Variants in ELP4 observed in about 807,000 individuals in gnomAD.
ELP4 encodes the protein elongator complex protein 4.
ELP4 carries 51 observed loss-of-function variants against 48.9 expected under a neutral mutation model. The observed-to-expected ratio is 1.04, with a 90% confidence interval of 0.83 to 1.32. ELP4 has a LOEUF of 1.32. Ranked by LOEUF, ELP4 falls within the 40% of genes most tolerant of loss-of-function variation. The pLI, the probability that ELP4 is intolerant of heterozygous loss-of-function variation, is 0.00. For synonymous variants in ELP4, 210 were observed against 189.2 expected, an observed-to-expected ratio of 1.11 and a Z score of -0.90; for missense variants, 519 against 514.6, an observed-to-expected ratio of 1.01 and a Z score of -0.08.
chr11:31,550,518 G>T (rs562515099), intron 3 of ELP4, among the ~76,000 whole-genome samples: 1 of 152,168 alleles, frequency 6.6e-6, no homozygotes, highest in Non-Finnish European at 1.5e-5. Context: ...AGAACTGAGG[G>T]TCCTGGGAAT....
At chr11:31,567,036 ATT>A (rs34131198) in intron 3 of ELP4, among the ~76,000 whole-genome samples, 11 of 150,096 alleles carry the variant, frequency 7.3e-5, no homozygotes, top group African/African-American at 2.4e-4. Context: ...TTCTTTATTT[ATT>A]TTTTTTTTCA....
At chr11:31,624,554 A>G (rs974182559) in intron 5 of ELP4, among the ~76,000 whole-genome samples, 2 of 151,678 alleles carry the variant, frequency 1.3e-5, no homozygotes, top group African/African-American at 4.8e-5. Context: ...AGCCTAACAT[A>G]CTACTGGATA....
At chr11:31,733,976 C>G (rs1352560498) in intron 9 of ELP4, among the ~76,000 whole-genome samples, 4 of 152,110 alleles carry the variant, frequency 2.6e-5, no homozygotes, top group African/African-American at 7.2e-5. Flanking sequence ...AACAAAAAAC[C>G]TAGCAAATCA....
chr11:31,734,261 G>A (rs563323889), intron 9 of ELP4, among the ~76,000 whole-genome samples: 9 of 152,298 alleles, frequency 5.9e-5, no homozygotes, highest in Admixed American at 2.6e-4. Flanking sequence ...CTAACATACT[G>A]TATGGTGAAA....
At chr11:31,598,162 G>T (rs1356796246) in intron 4 of ELP4, among the ~76,000 whole-genome samples, 1 of 151,290 alleles carries the variant, frequency 6.6e-6, no homozygotes, top group African/African-American at 2.4e-5. Context: ...CACTGTGTTG[G>T]CAAGGCTGGT....
At chr11:31,695,320 A>G (rs1426568858) in intron 9 of ELP4, among the ~76,000 whole-genome samples, 1 of 152,150 alleles carries the variant, frequency 6.6e-6, no homozygotes, top group Non-Finnish European at 1.5e-5. Context: ...TATTATTTTG[A>G]GATATGTCCC....
At chr11:31,755,404 C>A (rs1005417153) in intron 9 of ELP4, among the ~76,000 whole-genome samples, 2 of 152,100 alleles carry the variant, frequency 1.3e-5, no homozygotes, top group African/African-American at 4.8e-5. Context: ...CTTTATATTA[C>A]AGAAACCTGA....
intron 4 of ELP4, among the ~76,000 whole-genome samples, chr11:31,596,421 A>G (rs1490680825): frequency 6.6e-6 from 1 of 152,124 alleles, no homozygotes. Flanking sequence ...ATGTATATAT[A>G]CATCTTTCTC....
intron 5 of ELP4, among the ~76,000 whole-genome samples, chr11:31,626,784 T>C (rs943421769): frequency 2.0e-5 from 3 of 151,886 alleles, no homozygotes; most frequent in Non-Finnish European, 4.4e-5. Flanking sequence ...TGAAAATCTA[T>C]AGTGGCTTCA....
In ELP4 at chr11:31,761,410, G is replaced by C. The variant is rs984408723; in HGVS notation, c.1144-21983G>C. ...TTACTCATTTTTTAACTATACCCAAGATTGAACTTTAATATTTTAAGTTGG... is the reference window on the plus strand; with the variant it reads ...TTACTCATTTTTTAACTATACCCAACATTGAACTTTAATATTTTAAGTTGG... On this transcript the variant is annotated intron_variant, in intron 9 of 9. Transcript: ENST00000640961. 2.6e-5 allele frequency among the ~76,000 whole-genome samples: 4 copies of C among 151,502 alleles called. No individual in the cohort carries two copies. The East Asian group carries it at 7.7e-4, about 29-fold the overall frequency.
chr11:31,732,251 A>T (rs1947207085), intron 9 of ELP4, among the ~76,000 whole-genome samples: 1 of 152,234 alleles, frequency 6.6e-6, no homozygotes, highest in Non-Finnish European at 1.5e-5. Flanking sequence ...ATGCAAATGG[A>T]TACACAGTAT....
chr11:31,694,029 T>C (rs1946343717), intron 9 of ELP4, among the ~76,000 whole-genome samples: 1 of 152,182 alleles, frequency 6.6e-6, no homozygotes. Flanking sequence ...TTCTTATAAA[T>C]TTGTTTGAGT....
intron 3 of ELP4, among the ~76,000 whole-genome samples, chr11:31,560,738 T>C (rs1957011666): frequency 6.7e-6 from 1 of 150,262 alleles, no homozygotes; most frequent in Non-Finnish European, 1.5e-5. Context: ...AAAACAACAT[T>C]GTTTTGTATA....
At chr11:31,547,974 A>G (rs1479419198) in intron 3 of ELP4, among the ~76,000 whole-genome samples, 4 of 152,200 alleles carry the variant, frequency 2.6e-5, no homozygotes, top group Non-Finnish European at 5.9e-5. Context: ...TTAGGTATTG[A>G]TGGGACATAT....
intron 9 of ELP4, among the ~76,000 whole-genome samples, chr11:31,732,833 T>A (rs1947221321): frequency 6.6e-6 from 1 of 152,140 alleles, no homozygotes; most frequent in Non-Finnish European, 1.5e-5. Flanking sequence ...CATTACGTAA[T>A]GATAAGAGGG....
At chr11:31,698,401 A>AT (rs1300380294) in intron 9 of ELP4, among the ~76,000 whole-genome samples, 1 of 152,100 alleles carries the variant, frequency 6.6e-6, no homozygotes, top group Non-Finnish European at 1.5e-5. Context: ...TTACAATTAC[A>AT]TTGCGACAGC....
chr11:31,601,624 T>G (rs1372152013), intron 4 of ELP4, among the ~76,000 whole-genome samples: 1 of 152,026 alleles, frequency 6.6e-6, no homozygotes, highest in African/African-American at 2.4e-5. Flanking sequence ...AAAAGCATAC[T>G]TTGCTTCTTG....
chr11:31,629,146 G>T (rs1280142996), intron 6 of ELP4, among the ~76,000 whole-genome samples: 1 of 151,860 alleles, frequency 6.6e-6, no homozygotes, highest in Non-Finnish European at 1.5e-5. Context: ...ACAAATTGCG[G>T]TCATAATTTC....
At chr11:31,568,032 C>A (rs1306955363) in intron 3 of ELP4, among the ~76,000 whole-genome samples, 1 of 152,178 alleles carries the variant, frequency 6.6e-6, no homozygotes, top group Non-Finnish European at 1.5e-5. Flanking sequence ...CAGCATTTTA[C>A]CCACAGTAGA....
Sources: gnomAD v4.1 joint callset for allele counts (sites outside exome capture counted in the v4.1 genomes callset) on GRCh38, gnomAD v4.1.1 for gene constraint, MANE v1.5 for transcripts, NCBI Gene and HGNC (gene_info 2026-07-23, HGNC 2026-07-21) for gene names.